AKT2: variants seen among roughly 807,000 people sequenced by gnomAD.
AKT2 encodes RAC-beta serine/threonine-protein kinase.
AKT2 carries 16 observed loss-of-function variants against 58.6 expected under a neutral mutation model. The observed-to-expected ratio is 0.27, with a 90% confidence interval of 0.18 to 0.41. The LOEUF is 0.41. Ranked by LOEUF, AKT2 falls within the 10% of genes least tolerant of loss-of-function variation. The pLI, the probability that AKT2 is intolerant of heterozygous loss-of-function variation, is 1.00. For missense variants in AKT2, 438 were observed against 661.0 expected (o/e 0.66, Z 3.70); for synonymous variants, 253 against 254.0 (o/e 1.00, Z 0.04).
intron 1 of AKT2, chr19:40,275,629 T>C (rs1449259523): frequency 7.4e-6 from 2 of 268,964 alleles, no homozygotes; most frequent in South Asian, 3.9e-5. Context: ...GGTTACTAAA[T>C]GTTTGAATGA....
At position 40,232,113 on chromosome 19, in the gene AKT2, G is replaced by A. The variant is rs552182357; in HGVS notation, c.*1759C>T. 8.6e-5 allele frequency: 20 copies of A among 232,768 alleles called. No individual in the cohort carries two copies. The highest frequency in any genetic ancestry group is 3.9e-4 in the Admixed American group (7 of 17,722). The allele number at this position is 232,768 out of a possible 1,614,324, so 14.4% of individuals were successfully genotyped here. A position where few individuals can be genotyped will look rare whatever the true frequency, so the allele number is the denominator to read the frequency against. On this transcript the variant is annotated 3_prime_UTR_variant, in exon 14 of 14. Transcript: ENST00000392038. ...CTCTGTCCACCCCACCCCCACATGCGGGGAGCCTTCCCATACCCCTCAGCC... is the reference window on the plus strand; with the variant it reads ...CTCTGTCCACCCCACCCCCACATGCAGGGAGCCTTCCCATACCCCTCAGCC...
intron 1 of AKT2, among the ~76,000 whole-genome samples, chr19:40,270,194 C>T (rs1205160546): frequency 6.6e-6 from 1 of 152,214 alleles, no homozygotes; most frequent in African/African-American, 2.4e-5. Flanking sequence ...TTACCCTTAC[C>T]CTTCATTTTC....
chr19:40,255,302 G>A (rs1247047955), intron 3 of AKT2, 33 bp from the exon 4 acceptor site: 11 of 1,569,336 alleles, frequency 7.0e-6, no homozygotes, highest in Non-Finnish European at 9.7e-6. Context: ...GCAGGGGGCT[G>A]AGGGGATAGC....
Position 40,234,478 on chromosome 19 carries a change from A to C in AKT2, c.1367-527T>G. On this transcript the variant is annotated intron_variant, in intron 13 of 13. Coordinates refer to ENST00000392038, the MANE Select transcript of AKT2 (RefSeq NM_001626.6). The surrounding 1 kb of genome is among the most constrained non-coding windows in gnomAD (Gnocchi z 4.7). The stretch of plus-strand genomic sequence containing the variant: ...ATCTCCCTGGCTGCTGCCGGTCCTT[A>C]GCTATGCCATGCTTCTCCCATTGCT... 4.3e-6 allele frequency: 1 copy of C among 234,458 alleles called. No homozygotes were observed. The highest frequency in any genetic ancestry group is 9.3e-5 in the East Asian group (1 of 10,762). The allele number at this position is 234,458 out of a possible 1,614,324, so 14.5% of individuals were successfully genotyped here.
Position 40,232,687 on chromosome 19 carries a change from C to G in AKT2, c.*1185G>C, listed in dbSNP as rs1973767839. The G allele has an allele frequency of 4.3e-6, 1 of 233,382 alleles. No homozygotes were observed. The highest frequency in any genetic ancestry group is 8.5e-6 in the Non-Finnish European group (1 of 118,282). 14.5% of individuals were successfully genotyped at this position (233,382 alleles called of 1,614,324 possible). A position where few individuals can be genotyped will look rare whatever the true frequency, so the allele number is the denominator to read the frequency against. ...CAGGGATGGGGCCCAAGCCCACACA[C>G]CATGCACACTGGAGGACACGCTGCC... On this transcript the variant is annotated 3_prime_UTR_variant, in exon 14 of 14. Transcript: ENST00000392038.
At chr19:40,251,626 T>C (rs1352821805) in intron 4 of AKT2, among the ~76,000 whole-genome samples, 1 of 152,106 alleles carries the variant, frequency 6.6e-6, no homozygotes, top group Non-Finnish European at 1.5e-5. Context: ...CTAGATTAAA[T>C]AAAACAAGTC....
chr19:40,284,959 C>A (rs921614308), intron 1 of AKT2: 1 of 353,570 alleles, frequency 2.8e-6, no homozygotes, highest in African/African-American at 2.1e-5. Flanking sequence ...TGCAGCGCTC[C>A]CCCCACCGCC....
In AKT2 at chr19:40,233,781, A is replaced by T; in HGVS notation, c.*91T>A. The stretch of plus-strand genomic sequence containing the variant: ...GGGGTGAGGAGGTGGGGGTGGGGAC[A>T]CAAACCAAAAAGGCTAAGTAAAAAG... On this transcript the variant is annotated 3_prime_UTR_variant, in exon 14 of 14. Coordinates refer to ENST00000392038, the MANE Select transcript of AKT2 (RefSeq NM_001626.6). This position sits in a 1 kb window ranked among gnomAD's most constrained non-coding sequence, Gnocchi z 4.3. The T allele has an allele frequency of 7.4e-7, 1 of 1,356,166 alleles. No individual in the cohort carries two copies. Among genetic ancestry groups the T allele is most frequent in the East Asian group, 2.3e-5 (1 of 43,258 alleles). 84.0% of individuals were successfully genotyped at this position (1,356,166 alleles called of 1,614,324 possible). A position where few individuals can be genotyped will look rare whatever the true frequency, so the allele number is the denominator to read the frequency against.
rs1289931043 is a variant in AKT2 at position 40,261,054 on chromosome 19, A to C, written c.47-4000T>G. Among the ~76,000 whole-genome samples the C allele has an allele frequency of 2.0e-5, 3 of 152,260 alleles. No homozygotes were observed. The East Asian group carries it at 5.8e-4, about 29-fold the overall frequency. On this transcript the variant is annotated intron_variant, in intron 2 of 13. Coordinates refer to ENST00000392038, the MANE Select transcript of AKT2 (RefSeq NM_001626.6). ...GTCCAGAGTAGGTAAATTCATAGAG[A>C]CAGAAAGTAAACTGGTGGTTAGCAG...
In AKT2 at chr19:40,233,994, G is replaced by A; in HGVS notation, c.1367-43C>T. ...GGATGGGGAGGACCAGTCAGGAGAG[G>A]GCCTGGGACACCTGCCCAGACTCCC... is the stretch of plus-strand genomic sequence containing the variant. On this transcript the variant is annotated intron_variant, in intron 13 of 13. Coordinates refer to ENST00000392038, the MANE Select transcript of AKT2 (RefSeq NM_001626.6). This position sits in a 1 kb window ranked among gnomAD's most constrained non-coding sequence, Gnocchi z 4.3. 6.3e-7 allele frequency: 1 copy of A among 1,592,216 alleles called. No individual in the cohort carries two copies. The highest frequency in any genetic ancestry group is 8.5e-7 in the Non-Finnish European group (1 of 1,170,366).
chr19:40,277,427 T>C (rs1169668196), intron 1 of AKT2, among the ~76,000 whole-genome samples: 2 of 152,112 alleles, frequency 1.3e-5, no homozygotes, highest in Non-Finnish European at 2.9e-5. Context: ...ATGGTCTGCT[T>C]TCTCCATCCC....
chr19:40,285,056 G>C (rs1204246865), intron 1 of AKT2, 125 bp downstream of exon 1: 1 of 383,632 alleles, frequency 2.6e-6, no homozygotes, highest in Non-Finnish European at 4.6e-6. Flanking sequence ...AGCTCCTGAA[G>C]GAGGGGCTCG....
intron 1 of AKT2, chr19:40,273,527 A>T (rs1457699843): frequency 1.4e-5 from 2 of 145,852 alleles, no homozygotes; most frequent in Non-Finnish European, 1.5e-5. Context: ...AAAAAAAGAG[A>T]GAGACTTTTT....
intron 4 of AKT2, among the ~76,000 whole-genome samples, chr19:40,246,036 A>G (rs1177372702): frequency 1.3e-5 from 2 of 150,074 alleles, no homozygotes; most frequent in Non-Finnish European, 3.0e-5. Flanking sequence ...ATGCCCCCTT[A>G]GGAACAAATT....
intron 4 of AKT2, among the ~76,000 whole-genome samples, chr19:40,250,760 T>C (rs1276910706): frequency 6.6e-6 from 1 of 151,650 alleles, no homozygotes; most frequent in African/African-American, 2.4e-5. Context: ...TCCGGGAGAT[T>C]GAGGCTGCAG....
chr19:40,278,402 G>A (rs2145427064), intron 1 of AKT2, among the ~76,000 whole-genome samples: 1 of 152,296 alleles, frequency 6.6e-6, no homozygotes, highest in African/African-American at 2.4e-5. Context: ...AGCACTGAGA[G>A]GCGAACTACT....
rs763692472 is a variant in AKT2 at position 40,235,231 on chromosome 19, A to C, written c.1263+32T>G. Reference sequence around the variant, plus strand: ...TCACCACGAGTGGGCCAGGTCCCTGAGGGTCCTGCTGGGGCAAGCAGTGGG... The same window carrying C: ...TCACCACGAGTGGGCCAGGTCCCTGCGGGTCCTGCTGGGGCAAGCAGTGGG... On this transcript the variant is annotated intron_variant, in intron 12 of 13. Transcript: ENST00000392038. The surrounding 1 kb of genome is among the most constrained non-coding windows in gnomAD (Gnocchi z 6.3). The C allele has an allele frequency of 6.2e-7, 1 of 1,613,870 alleles. No homozygotes were observed. The highest frequency in any genetic ancestry group is 8.5e-7 in the Non-Finnish European group (1 of 1,179,834).
chr19:40,263,707 G>A (rs549788312), intron 2 of AKT2, among the ~76,000 whole-genome samples: 1 of 152,308 alleles, frequency 6.6e-6, no homozygotes, highest in African/African-American at 2.4e-5. Context: ...CCAGGGAGGG[G>A]CGTCCATCCC....
chr19:40,267,428 T>C (rs558197878), intron 1 of AKT2, among the ~76,000 whole-genome samples: 2 of 152,268 alleles, frequency 1.3e-5, no homozygotes, highest in African/African-American at 4.8e-5. Flanking sequence ...AGCCCTTCCC[T>C]CTGGCCTCCA....
Sources: allele counts gnomAD v4.1 joint callset (sites outside exome capture counted in the v4.1 genomes callset), GRCh38; gene constraint gnomAD v4.1.1; non-coding constraint Gnocchi (gnomAD v3.1); transcripts MANE v1.5; gene names NCBI Gene and HGNC (gene_info 2026-07-23, HGNC 2026-07-21).